IL32: variants seen among roughly 807,000 people sequenced by gnomAD.
The protein encoded by IL32 is interleukin 32.
Under a neutral mutation model 16.6 loss-of-function variants are expected in IL32, and 30 were observed. That is an observed-to-expected ratio of 1.81 (90% CI 1.35 to 2.45). The LOEUF is 2.45. Among genes scored for constraint, IL32 ranks in the 30% most tolerant of loss-of-function variants. The probability of loss-of-function intolerance (pLI) is 0.00; values close to 1 mark genes in which losing one functional copy is unlikely to be tolerated. For synonymous variants in IL32, 70 were observed against 86.1 expected, an observed-to-expected ratio of 0.81 and a Z score of 1.03; for missense variants, 234 against 229.8, an observed-to-expected ratio of 1.02 and a Z score of -0.12.
chr16:3,068,878 C>T (rs984076512), intron 6 of IL32, 112 bp from the exon 7 acceptor site: 75 of 1,538,948 alleles, frequency 4.9e-5, no homozygotes, highest in Middle Eastern at 1.9e-4. Context: ...AAACCAACAC[C>T]TGTGGGCCTC....
At chr16:3,065,580 G>T (rs549265621), upstream of IL32, 4 of 626,890 alleles carry the variant, frequency 6.4e-6, no homozygotes, top group Admixed American at 5.5e-5. Flanking sequence ...TGCCCTGAGA[G>T]AGGCTCCGCC....
At chr16:3,065,885 C>A (rs188483845) in intron 2 of IL32, 59 bp downstream of exon 2, 1 of 1,599,808 alleles carries the variant, frequency 6.3e-7, no homozygotes, top group Non-Finnish European at 8.6e-7. Flanking sequence ...CGTAAGGGTG[C>A]GGGTGCCCTC....
At chr16:3,065,958 G>A (rs1379581861) in intron 2 of IL32, 132 bp downstream of exon 2, 23 of 1,073,634 alleles carry the variant, frequency 2.1e-5, no homozygotes, top group African/African-American at 3.1e-5. Context: ...CAGGAGGATA[G>A]TGATGGGGTG....
At chr16:3,065,437 C>T (rs1596232260), upstream of IL32, 2 of 323,188 alleles carry the variant, frequency 6.2e-6, no homozygotes, top group East Asian at 1.5e-4. Flanking sequence ...GGAGCAGGGG[C>T]CCAGCCAGGG....
rs115923319 is a variant in IL32 at position 3,067,563 on chromosome 16, A to G, written c.64A>G (p.Ile22Val). The change falls in exon 4 of 7, where the codon ATA (isoleucine) becomes GTA (valine). Residue 22 changes from isoleucine (I) to valine (V), a missense_variant. Ile to Val is a conservative substitution (Grantham distance 29). Transcript: ENST00000525643. ...KKLKARMHQA[I>V]ERFYDKMQNA... ...CTGCCTCTCTTCACAGCACCAGGCC[A>G]TAGAAAGATTTTATGATAAAATGCA... 1.2e-6 allele frequency: 2 copies of G among 1,614,052 alleles called. No individual in the cohort carries two copies. The highest frequency in any genetic ancestry group is 1.7e-6 in the Non-Finnish European group (2 of 1,179,980).
At chr16:3,067,438 C>A (rs1327735225) in intron 3 of IL32, 23 bp downstream of exon 3, 5 of 1,608,020 alleles carry the variant, frequency 3.1e-6, no homozygotes, top group Non-Finnish European at 4.2e-6. Context: ...CCTACTTCTG[C>A]TCAGGGGTTG....
chr16:3,065,578 G>A (rs1956224510), upstream of IL32: 2 of 625,168 alleles, frequency 3.2e-6, no homozygotes, highest in Admixed American at 2.8e-5. Context: ...CCTGCCCTGA[G>A]AGAGGCTCCG....
At chr16:3,068,524 G>C in intron 6 of IL32, 1 of 467,988 alleles carries the variant, frequency 2.1e-6, no homozygotes, top group East Asian at 4.2e-5. Context: ...TGTTTGCCAG[G>C]CTGGTCTTGA....
At chr16:3,068,078 T>C (rs1956621725) in intron 5 of IL32, 68 bp downstream of exon 5, 2 of 1,606,672 alleles carry the variant, frequency 1.2e-6, no homozygotes, top group South Asian at 1.1e-5. Flanking sequence ...ACACTGGGTC[T>C]GGGCCCCGGG....
chr16:3,067,008 CTCT>C (rs1191490422), intron 2 of IL32, among the ~76,000 whole-genome samples: 1 of 76,924 alleles, frequency 1.3e-5, no homozygotes, highest in Admixed American at 1.3e-4. Context: ...GCAGGCCCTG[CTCT>C]TGTGAGGAGG....
intron 4 of IL32, 98 bp downstream of exon 4, chr16:3,067,711 A>T (rs1249194446): frequency 5.0e-6 from 5 of 997,476 alleles, no homozygotes; most frequent in East Asian, 2.4e-5. Flanking sequence ...AGAGGGACCC[A>T]CAGGCTCCCT....
At chr16:3,067,683 T>C in intron 4 of IL32, 70 bp downstream of exon 4, 1 of 1,198,808 alleles carries the variant, frequency 8.3e-7, no homozygotes, top group Non-Finnish European at 1.2e-6. Context: ...TGTGTGGGGC[T>C]CAGGGTGAGA....
chr16:3,067,751 C>G, intron 4 of IL32, 138 bp downstream of exon 4: 1 of 865,982 alleles, frequency 1.2e-6, no homozygotes, highest in South Asian at 1.5e-5. Context: ...ATGCTTGCAC[C>G]TGGGTGGCAG....
At position 3,067,622 on chromosome 16, in the gene IL32, A is replaced by G. The variant is rs768197879; in HGVS notation, c.114+9A>G. The G allele has an allele frequency of 6.3e-7, 1 of 1,594,778 alleles. No individual in the cohort carries two copies. Among genetic ancestry groups the G allele is most frequent in the Admixed American group, 1.7e-5 (1 of 59,968 alleles). ...AATCAGGACGTGGACAGGTGGGTGG[A>G]TTTCCCCTCAGGCACCAGGTCACAT... On this transcript the variant is annotated intron_variant, in intron 4 of 6. Coordinates refer to ENST00000525643, the MANE Select transcript of IL32 (RefSeq NM_001376923.1).
Position 3,069,170 on chromosome 16 carries a change from G to C in IL32, c.382G>C (p.Ala128Pro), listed in dbSNP as rs752000903. The change falls in exon 7 of 7, where the codon GCC (alanine) becomes CCC (proline). Residue 128 changes from alanine (A) to proline (P), a missense_variant. By Grantham distance (27) the Ala-to-Pro change is conservative. This residue lies in a region of IL32 where 44 missense variants were observed against 103.1 expected (regional missense o/e 0.43). Coordinates refer to ENST00000525643, the MANE Select transcript of IL32 (RefSeq NM_001376923.1). ...GCAGACCTGGTGGCACGGGGTTCTG[G>C]CCTGGGTGAAGGAGAAGGTGGTGGC... is the stretch of plus-strand genomic sequence containing the variant. Reference protein sequence around the residue: ...RLQTWWHGVLAWVKEKVVALV... With the variant: ...RLQTWWHGVLPWVKEKVVALV... 6.9e-5 allele frequency: 111 copies of C among 1,613,644 alleles called. No homozygotes were observed. The highest frequency in any genetic ancestry group is 8.8e-5 in the Non-Finnish European group (104 of 1,179,898).
chr16:3,068,371 T>C, intron 6 of IL32, 132 bp downstream of exon 6: 1 of 823,908 alleles, frequency 1.2e-6, no homozygotes, highest in South Asian at 1.6e-5. Context: ...AGTGGCATGA[T>C]CTTGGCTCAC....
At chr16:3,068,097 G>C (rs9788940) in intron 5 of IL32, 83 bp from the exon 6 acceptor site, 2 of 1,604,310 alleles carry the variant, frequency 1.2e-6, no homozygotes, top group East Asian at 2.2e-5. Flanking sequence ...GGTCCCCTTG[G>C]GAATCACCTG....
At chr16:3,067,248 T>A in intron 2 of IL32, 129 bp from the exon 3 acceptor site, 1 of 669,240 alleles carries the variant, frequency 1.5e-6, no homozygotes, top group Non-Finnish European at 2.6e-6. Flanking sequence ...TCTCCTCTTA[T>A]CCTGTACCTC....
chr16:3,067,984 G>C lies in IL32; in HGVS notation c.115G>C (p.Val39Leu), dbSNP rs746827176. Reference sequence around the variant, plus strand: ...GAACCGAGTGCTTTGTTCCTAACAGGTGATGTCGAGCCTGGCAGAGCTGGA... The same window carrying C: ...GAACCGAGTGCTTTGTTCCTAACAGCTGATGTCGAGCCTGGCAGAGCTGGA... ...MQNAESGRGQ[V>L]MSSLAELEDD... The change falls in exon 5 of 7, where the codon GTG becomes CTG. Residue 39 changes from valine to leucine, a missense_variant and splice_region_variant. Transcript: ENST00000525643. The C allele has an allele frequency of 1.9e-6, 3 of 1,614,158 alleles. No homozygotes were observed. Among genetic ancestry groups the C allele is most frequent in the East Asian group, 4.5e-5 (2 of 44,876 alleles).
Sources: gnomAD v4.1 joint callset for allele counts (sites outside exome capture counted in the v4.1 genomes callset) on GRCh38, gnomAD v4.1.1 for gene constraint, gnomAD v4.1.1 regional missense constraint, MANE v1.5 for transcripts, NCBI Gene and HGNC (gene_info 2026-07-23, HGNC 2026-07-21) for gene names.